MATN2: variants seen among roughly 807,000 people sequenced by gnomAD.
MATN2 encodes matrilin-2.
MATN2 carries 69 observed loss-of-function variants against 103.2 expected under a neutral mutation model. The observed-to-expected ratio is 0.67, with a 90% CI of 0.55 to 0.82. The LOEUF (loss-of-function observed/expected upper bound fraction) is 0.82. Ranked by LOEUF, MATN2 falls within the 40% of genes least tolerant of loss-of-function variation. The pLI is 0.00. For missense variants in MATN2, 1,023 were observed against 1,211.5 expected (o/e 0.84, Z 2.31); for synonymous variants, 429 against 450.2 (o/e 0.95, Z 0.60).
chr8:98,001,148 G>A lies in MATN2; in HGVS notation c.1205-2513G>A, dbSNP rs114383831. Among the ~76,000 whole-genome samples, 551 of 152,254 alleles carry A rather than the reference G, an allele frequency of 3.6e-3. 5 individuals carry two copies. The highest frequency in any genetic ancestry group is 0.013 in the African/African-American group (526 of 41,542). ...GATCATTTCCCCTGTATCAGTTATG[G>A]TGCTTTTTGTTCACACAAAACCGGA... On this transcript the variant is annotated intron_variant, in intron 7 of 18. Coordinates refer to ENST00000254898, the MANE Select transcript of MATN2 (RefSeq NM_002380.5).
intron 1 of MATN2, among the ~76,000 whole-genome samples, chr8:97,872,146 C>T (rs555808934): frequency 2.6e-5 from 4 of 152,108 alleles, no homozygotes; most frequent in South Asian, 2.1e-4. Flanking sequence ...GTCAAATGGG[C>T]GTGATACTAT....
chr8:97,901,910 C>T (rs1287994582), intron 2 of MATN2, among the ~76,000 whole-genome samples: 1 of 152,146 alleles, frequency 6.6e-6, no homozygotes, highest in East Asian at 1.9e-4. Context: ...CTTCTTAAGT[C>T]TATTTTGGTC....
intron 7 of MATN2, among the ~76,000 whole-genome samples, chr8:97,998,671 A>T (rs765051095): frequency 2.7e-4 from 40 of 148,954 alleles, no homozygotes; most frequent in East Asian, 5.9e-4. Context: ...AATTTTAAAA[A>T]TTTTTTTTTA....
chr8:97,975,190 G>T (rs1201923406), intron 5 of MATN2, among the ~76,000 whole-genome samples: 1 of 152,138 alleles, frequency 6.6e-6, no homozygotes, highest in African/African-American at 2.4e-5. Context: ...GCATGCCCTG[G>T]GTTATCAGGA....
intron 5 of MATN2, among the ~76,000 whole-genome samples, chr8:97,965,930 G>A (rs1463421585): frequency 6.6e-6 from 1 of 152,120 alleles, no homozygotes; most frequent in Non-Finnish European, 1.5e-5. Flanking sequence ...GTTGCAGTGA[G>A]CCGAGATCGC....
intron 2 of MATN2, among the ~76,000 whole-genome samples, chr8:97,906,331 G>C (rs1016876708): frequency 6.6e-6 from 1 of 152,168 alleles, no homozygotes; most frequent in African/African-American, 2.4e-5. Context: ...TACAAATAAA[G>C]GTTAGGAAGC....
At chr8:98,018,155 T>G in intron 12 of MATN2, 39 bp downstream of exon 12, 3 of 1,611,746 alleles carry the variant, frequency 1.9e-6, no homozygotes, top group Non-Finnish European at 2.5e-6. Context: ...TTTCCCTCTG[T>G]GGACTCAGAC....
Position 97,987,477 on chromosome 8 carries a change from G to A in MATN2, c.1082-7003G>A, listed in dbSNP as rs1023851589. On this transcript the variant is annotated intron_variant, in intron 6 of 18. Transcript: ENST00000254898. Reference sequence around the variant, plus strand: ...GGAAAAAAAAGTGTTTCTTAAGGGAGCAATTTTTAAAAATGTTGCTGATTT... The same window carrying A: ...GGAAAAAAAAGTGTTTCTTAAGGGAACAATTTTTAAAAATGTTGCTGATTT... 1.4e-3 allele frequency among the ~76,000 whole-genome samples: 220 copies of A among 152,210 alleles called. 1 individual carries two copies. Among genetic ancestry groups the A allele is most frequent in the Non-Finnish European group, 2.1e-3 (144 of 68,028 alleles).
At chr8:97,977,516 C>T (rs1474906527) in intron 5 of MATN2, among the ~76,000 whole-genome samples, 1 of 152,108 alleles carries the variant, frequency 6.6e-6, no homozygotes, top group East Asian at 1.9e-4. Flanking sequence ...TTCCAGAACA[C>T]CACTCCCCCT....
chr8:98,026,587 AG>A (rs900198587), intron 13 of MATN2, among the ~76,000 whole-genome samples: 1 of 152,190 alleles, frequency 6.6e-6, no homozygotes, highest in Non-Finnish European at 1.5e-5. Context: ...ATAGGTCAGT[AG>A]GGTACTTACA....
Position 98,018,037 on chromosome 8 carries a change from T to C in MATN2, c.1740T>C (p.Ile580=). 6.2e-7 allele frequency: 1 copy of C among 1,613,834 alleles called. No individual in the cohort carries two copies. The highest frequency in any genetic ancestry group is 8.5e-7 in the Non-Finnish European group (1 of 1,179,760). ...CQAIDHGCEH[I]CVNSDDSYTC... ...CTATAGACCATGGCTGTGAACACAT[T>C]TGTGTGAACAGTGATGACTCATACA... is the stretch of plus-strand genomic sequence containing the variant. Residue 580 remains isoleucine (I), a synonymous_variant, in exon 12 of 19, where the codon ATT becomes ATC. Transcript: ENST00000254898.
chr8:97,960,324 C>T (rs1811267587), intron 4 of MATN2, among the ~76,000 whole-genome samples: 1 of 152,182 alleles, frequency 6.6e-6, no homozygotes, highest in African/African-American at 2.4e-5. Flanking sequence ...CTCTGATTAT[C>T]TCCAGTTTTA....
intron 12 of MATN2, among the ~76,000 whole-genome samples, chr8:98,020,590 T>C (rs1027346139): frequency 2.6e-5 from 4 of 152,240 alleles, no homozygotes; most frequent in Non-Finnish European, 5.9e-5. Flanking sequence ...CCATTCCTGC[T>C]TCCTAGAGGG....
rs1811318213 is a variant in MATN2, at chr8:97,961,512, G to A, written c.940G>A (p.Asp314Asn). The change falls in exon 5 of 19, where the codon GAT becomes AAT. Residue 314 changes from aspartate (D) to asparagine (N), a missense_variant. Asp to Asn is a conservative substitution (Grantham distance 23, BLOSUM62 1). Transcript: ENST00000254898. Reference protein sequence around the residue: ...QCYSGYALAEDGKRCVAVDYC... With the variant: ...QCYSGYALAENGKRCVAVDYC... ...CTACAGTGGCTACGCCCTGGCTGAG[G>A]ATGGGAAGAGGTGTGTGGGTGAGTA... 1 of 1,613,234 alleles carries A rather than the reference G, an allele frequency of 6.2e-7. No individual in the cohort carries two copies. Among genetic ancestry groups the A allele is most frequent in the Non-Finnish European group, 8.5e-7 (1 of 1,179,466 alleles).
In MATN2 at chr8:97,931,991, C is replaced by T. The variant is rs144545595; in HGVS notation, c.712+469C>T. ...GTGCTGGGATTATAGGCATGAGCAC[C>T]CAGCTAAGACAGACATTAAATATAT... On this transcript the variant is annotated intron_variant, in intron 3 of 18. Transcript: ENST00000254898. The surrounding 1 kb of genome is among the most constrained non-coding windows in gnomAD (Gnocchi z 4.1). Among the ~76,000 whole-genome samples the T allele has an allele frequency of 6.6e-6, 1 of 152,290 alleles. No individual in the cohort carries two copies. Among genetic ancestry groups the T allele is most frequent in the East Asian group, 1.9e-4 (1 of 5,192 alleles).
At chr8:97,983,977 G>A (rs541926231) in intron 6 of MATN2, among the ~76,000 whole-genome samples, 92 of 152,288 alleles carry the variant, frequency 6.0e-4, no homozygotes, top group Non-Finnish European at 1.1e-3. Flanking sequence ...AGCAATAGAA[G>A]AACTACAAAG....
intron 6 of MATN2, among the ~76,000 whole-genome samples, chr8:97,989,468 CAAAA>C (rs34047188): frequency 7.7e-6 from 1 of 129,770 alleles, no homozygotes. Context: ...GACTCCATCT[CAAAA>C]AAAAAAAAAA....
chr8:98,027,161 A>G (rs1052887286), intron 13 of MATN2, among the ~76,000 whole-genome samples: 3 of 152,016 alleles, frequency 2.0e-5, no homozygotes, highest in African/African-American at 7.3e-5. Flanking sequence ...TTGGTTTCCT[A>G]GACAATTGTA....
chr8:97,959,330 T>A (rs1811235853), intron 4 of MATN2, among the ~76,000 whole-genome samples: 1 of 152,242 alleles, frequency 6.6e-6, no homozygotes, highest in African/African-American at 2.4e-5. Flanking sequence ...ATATCCCCAA[T>A]GCTTGGGACA....
Sources: allele counts gnomAD v4.1 joint callset (sites outside exome capture counted in the v4.1 genomes callset), GRCh38; gene constraint gnomAD v4.1.1; non-coding constraint Gnocchi (gnomAD v3.1); transcripts MANE v1.5; gene names NCBI Gene and HGNC (gene_info 2026-07-23, HGNC 2026-07-21).